The following CSMD1 variants were observed in gnomAD, a reference collection of about 807,000 sequenced individuals.
CSMD1 encodes the protein CUB and Sushi multiple domains 1.
CSMD1 carries 213 observed loss-of-function variants against 417.5 expected under a neutral mutation model. That is an observed-to-expected ratio of 0.51 (90% CI 0.46 to 0.57). CSMD1 has a LOEUF of 0.57. CSMD1 is among the 20% of genes least tolerant of loss of function. The pLI, the probability that CSMD1 is intolerant of heterozygous loss-of-function variation, is 0.00. For missense variants in CSMD1, 6,923 were observed against 4,529.7 expected (o/e 1.53, Z -15.17); for synonymous variants, 2,862 against 1,736.8 (o/e 1.65, Z -16.11).
chr8:3,874,767 G>A (rs918236327), intron 5 of CSMD1, among the ~76,000 whole-genome samples: 5 of 152,150 alleles, frequency 3.3e-5, no homozygotes, highest in African/African-American at 1.2e-4. Context: ...CTGTGACGGG[G>A]AAGGACAGGG....
chr8:3,557,514 GAAAC>G (rs144967326), intron 10 of CSMD1, among the ~76,000 whole-genome samples: 10,225 of 152,218 alleles, frequency 0.067, 370 homozygotes, highest in Non-Finnish European at 0.084. Flanking sequence ...GCACCATTAA[GAAAC>G]AAACAAACAC....
rs1029218763 is a variant in CSMD1 at position 4,139,502 on chromosome 8, G to C, written c.416-107403C>G. Among the ~76,000 whole-genome samples the C allele has an allele frequency of 2.1e-5, 3 of 145,250 alleles. 1 individual carries two copies. The highest frequency in any genetic ancestry group is 8.6e-5 in the African/African-American group (3 of 35,024). ...GGAAGGTGGCGTGGATGAATGGTCT[G>C]CATTCAGTGTTGTGGATCTCAGGGG... On this transcript the variant is annotated intron_variant, in intron 3 of 69. Transcript: ENST00000635120.
Position 4,134,046 on chromosome 8 carries a change from T to C in CSMD1, c.416-101947A>G, listed in dbSNP as rs532781527. Among the ~76,000 whole-genome samples the C allele has an allele frequency of 3.9e-5, 6 of 152,324 alleles. No individual in the cohort carries two copies. In the East Asian group the frequency reaches 1.2e-3, roughly 29 times the overall value. The stretch of plus-strand genomic sequence containing the variant: ...ATTTTTTTAAACATTTAAATGAGAT[T>C]AGCTATTAATAAAGATTAATTGCTA... On this transcript the variant is annotated intron_variant, in intron 3 of 69. Coordinates refer to ENST00000635120, the MANE Select transcript of CSMD1 (RefSeq NM_033225.6).
chr8:3,634,554 G>A (rs998695572), intron 7 of CSMD1, among the ~76,000 whole-genome samples: 2 of 152,054 alleles, frequency 1.3e-5, no homozygotes, highest in Non-Finnish European at 2.9e-5. Flanking sequence ...CCTTTAAACT[G>A]TCTCTTTTCA....
chr8:3,582,815 C>G (rs1043199577), intron 9 of CSMD1, among the ~76,000 whole-genome samples: 1 of 152,178 alleles, frequency 6.6e-6, no homozygotes, highest in South Asian at 2.1e-4. Flanking sequence ...TCACCTGTTT[C>G]TCTTTCCCTT....
In CSMD1 at chr8:3,288,945, T is replaced by G. The variant is rs908965842; in HGVS notation, c.3951-4599A>C. Among the ~76,000 whole-genome samples the G allele has an allele frequency of 2.7e-5, 4 of 147,066 alleles. 1 individual carries two copies. The highest frequency in any genetic ancestry group is 8.1e-5 in the African/African-American group (3 of 36,838). On this transcript the variant is annotated intron_variant, in intron 25 of 69. Coordinates refer to ENST00000635120, the MANE Select transcript of CSMD1 (RefSeq NM_033225.6). ...CACCCATTAACTCATCATTTAACAT[T>G]AGGTATATCTCCTAATGCTATCCCT... is the stretch of plus-strand genomic sequence containing the variant.
intron 3 of CSMD1, among the ~76,000 whole-genome samples, chr8:4,253,022 C>A (rs1387438049): frequency 6.6e-6 from 1 of 152,194 alleles, no homozygotes; most frequent in South Asian, 2.1e-4. Context: ...GTACCAGCAG[C>A]TGAACAAAAT....
chr8:3,404,996 T>A (rs1377811882), intron 15 of CSMD1, among the ~76,000 whole-genome samples: 1 of 152,178 alleles, frequency 6.6e-6, no homozygotes, highest in African/African-American at 2.4e-5. Flanking sequence ...GATCCAGGAA[T>A]ATAACTTATG....
chr8:3,372,194 G>T, intron 18 of CSMD1, among the ~76,000 whole-genome samples: 1 of 152,190 alleles, frequency 6.6e-6, no homozygotes, highest in East Asian at 1.9e-4. Context: ...ATAAGGACTT[G>T]AGAGAGACAA....
intron 26 of CSMD1, among the ~76,000 whole-genome samples, chr8:3,257,329 C>T (rs890160452): frequency 7.2e-5 from 11 of 152,212 alleles, no homozygotes; most frequent in Admixed American, 4.6e-4. Context: ...CATCTCAAAA[C>T]AAACAGAAAA....
At chr8:4,389,680 G>A (rs1312522705) in intron 3 of CSMD1, among the ~76,000 whole-genome samples, 2 of 151,972 alleles carry the variant, frequency 1.3e-5, no homozygotes, top group Admixed American at 1.3e-4. Flanking sequence ...TTTTTAATTT[G>A]GGGTAAACAC....
At chr8:3,371,612 ATTATGT>A (rs1809951180) in intron 18 of CSMD1, among the ~76,000 whole-genome samples, 1 of 152,136 alleles carries the variant, frequency 6.6e-6, no homozygotes, top group Non-Finnish European at 1.5e-5. Context: ...ATCATTCTGA[ATTATGT>A]TTTATAAAAG....
chr8:3,406,146 C>G lies in CSMD1; in HGVS notation c.2147G>C (p.Gly716Ala). ...GRRFGDRFLL[G>A]SSVSFHCDDG... ...ATCACAGTGGAAAGAAACCGAGCTC[C>G]CGAGTAGAAACCTGTCACCAAAACG... Residue 716 changes from glycine (G) to alanine (A), a missense_variant, in exon 15 of 70, where the codon GGG becomes GCG. Transcript: ENST00000635120. 6.2e-7 allele frequency: 1 copy of G among 1,613,650 alleles called. No homozygotes were observed. Among genetic ancestry groups the G allele is most frequent in the Non-Finnish European group, 8.5e-7 (1 of 1,179,818 alleles).
chr8:4,134,477 C>A lies in CSMD1; in HGVS notation c.416-102378G>T, dbSNP rs1000526518. Among the ~76,000 whole-genome samples the A allele has an allele frequency of 3.3e-5, 5 of 152,276 alleles. No individual in the cohort carries two copies. The East Asian group carries it at 7.7e-4, about 24-fold the overall frequency. On this transcript the variant is annotated intron_variant, in intron 3 of 69. Coordinates refer to ENST00000635120, the MANE Select transcript of CSMD1 (RefSeq NM_033225.6). ...AAGACCTGAGGAGATACCAAACCTG[C>A]TATCACTTTGATCTCCGACTTCCAG...
chr8:3,835,416 T>C (rs1266092193), intron 5 of CSMD1, among the ~76,000 whole-genome samples: 1 of 151,932 alleles, frequency 6.6e-6, no homozygotes, highest in African/African-American at 2.4e-5. Flanking sequence ...ATGTCCTTTG[T>C]AGGGACATGG....
chr8:4,314,295 ATT>A, intron 3 of CSMD1, among the ~76,000 whole-genome samples: 1 of 152,184 alleles, frequency 6.6e-6, no homozygotes, highest in Admixed American at 6.5e-5. Context: ...AGTACATAGG[ATT>A]AAAGAAGAAG....
chr8:3,936,546 G>A (rs111698095), intron 5 of CSMD1, among the ~76,000 whole-genome samples: 2 of 152,116 alleles, frequency 1.3e-5, no homozygotes, highest in African/African-American at 2.4e-5. Context: ...CTCCATCAAT[G>A]GAACAACAAA....
chr8:3,414,323 G>A (rs1035337556), intron 12 of CSMD1, among the ~76,000 whole-genome samples: 1 of 148,980 alleles, frequency 6.7e-6, no homozygotes, highest in African/African-American at 2.5e-5. Flanking sequence ...ATTGTTTAAG[G>A]ATCATTCCGA....
At chr8:4,450,536 G>C (rs900865962) in intron 2 of CSMD1, among the ~76,000 whole-genome samples, 2 of 152,076 alleles carry the variant, frequency 1.3e-5, no homozygotes, top group African/African-American at 4.8e-5. Flanking sequence ...TTGGGAGGCT[G>C]AGGCACGGGA....
Sources: allele counts gnomAD v4.1 joint callset (sites outside exome capture counted in the v4.1 genomes callset), GRCh38; gene constraint gnomAD v4.1.1; transcripts MANE v1.5; gene names NCBI Gene and HGNC (gene_info 2026-07-23, HGNC 2026-07-21).